TRPM6: variants seen among roughly 807,000 people sequenced by gnomAD.
TRPM6 encodes the protein channel kinase 2.
Under a neutral mutation model 247.6 loss-of-function variants are expected in TRPM6, and 111 were observed. The ratio of observed to expected loss-of-function variants is 0.45; its 90% CI spans 0.38 to 0.52. TRPM6 has a LOEUF of 0.52. TRPM6 is among the 20% of genes least tolerant of loss of function. TRPM6 has a pLI of 0.00. For synonymous variants in TRPM6, 892 were observed against 853.8 expected (o/e 1.04, Z -0.78); for missense variants, 2,126 against 2,421.5 (o/e 0.88, Z 2.56).
intron 20 of TRPM6, among the ~76,000 whole-genome samples, chr9:74,787,202 G>T (rs1306284212): frequency 6.6e-6 from 1 of 152,080 alleles, no homozygotes; most frequent in African/African-American, 2.4e-5. Context: ...GGGTGTGGTG[G>T]CAGGCACCTG....
At chr9:74,749,219 G>A (rs768772508) in intron 30 of TRPM6, among the ~76,000 whole-genome samples, 6 of 152,094 alleles carry the variant, frequency 3.9e-5, no homozygotes, top group Non-Finnish European at 5.9e-5. Flanking sequence ...AATGTATCCT[G>A]TCGTTAATTG....
intron 27 of TRPM6, among the ~76,000 whole-genome samples, chr9:74,759,227 C>A (rs1209219259): frequency 5.9e-5 from 9 of 152,074 alleles, no homozygotes; most frequent in Admixed American, 5.9e-4. Context: ...TTCATAATCC[C>A]AGTCCACTTC....
At chr9:74,817,035 C>A in intron 9 of TRPM6, 71 bp from the exon 10 acceptor site, 1 of 1,289,218 alleles carries the variant, frequency 7.8e-7, no homozygotes, top group Non-Finnish European at 1.1e-6. Flanking sequence ...AGAGTACCCA[C>A]AGAATTCAGA....
intron 1 of TRPM6, among the ~76,000 whole-genome samples, chr9:74,865,006 G>C (rs780281535): frequency 6.6e-6 from 1 of 151,790 alleles, no homozygotes; most frequent in African/African-American, 2.4e-5. Flanking sequence ...CCAGGAGGTG[G>C]AAGTTGCAGT....
At chr9:74,814,190 T>C (rs1190158980) in intron 11 of TRPM6, among the ~76,000 whole-genome samples, 1 of 152,128 alleles carries the variant, frequency 6.6e-6, no homozygotes, top group East Asian at 1.9e-4. Flanking sequence ...ATTAATAGAC[T>C]GCCAGGCATA....
intron 36 of TRPM6, among the ~76,000 whole-genome samples, chr9:74,737,636 G>A (rs1472470433): frequency 6.6e-6 from 1 of 152,052 alleles, no homozygotes; most frequent in African/African-American, 2.4e-5. Flanking sequence ...TGCAACTCTG[G>A]GCAAGTTATT....
intron 20 of TRPM6, among the ~76,000 whole-genome samples, chr9:74,787,415 A>G (rs753459506): frequency 6.6e-6 from 1 of 152,218 alleles, no homozygotes; most frequent in Non-Finnish European, 1.5e-5. Flanking sequence ...ACACCGTGTC[A>G]GACAAACAGA....
At chr9:74,872,130 G>A (rs1004995581) in intron 1 of TRPM6, among the ~76,000 whole-genome samples, 6 of 151,956 alleles carry the variant, frequency 3.9e-5, no homozygotes, top group African/African-American at 1.5e-4. Context: ...TAGGATTACA[G>A]GTGTCAGCCA....
intron 1 of TRPM6, among the ~76,000 whole-genome samples, chr9:74,884,402 T>C (rs1039510455): frequency 2.4e-4 from 37 of 151,984 alleles, no homozygotes; most frequent in Non-Finnish European, 4.6e-4. Flanking sequence ...GGCAGGAGAA[T>C]GGTGTGAACC....
At chr9:74,734,290 A>G (rs1056113097) in intron 36 of TRPM6, among the ~76,000 whole-genome samples, 1 of 152,214 alleles carries the variant, frequency 6.6e-6, no homozygotes, top group South Asian at 2.1e-4. Context: ...TTAAAATTAT[A>G]TAAAATTTGT....
rs761663871 is a variant in TRPM6 at position 74,739,957 on chromosome 9, A to G, written c.5253T>C (p.Leu1751=). 8 of 1,614,084 alleles carry G rather than the reference A, an allele frequency of 5.0e-6. No individual in the cohort carries two copies. In the East Asian group the frequency reaches 8.9e-5, roughly 18 times the overall value. The change falls in exon 34 of 39, where the codon CTT becomes CTC. Residue 1751 remains leucine (L), a synonymous_variant. Coordinates refer to ENST00000360774, the MANE Select transcript of TRPM6 (RefSeq NM_017662.5). ...YRLEESSPLN[L]DKSMSSWSQR... is the part of the protein sequence containing the mutation. ...GAGACCAAGAGGACATGCTTTTATCAAGGTTTAAAGGGGAACTCTCCTCCA... is the reference window on the plus strand; with the variant it reads ...GAGACCAAGAGGACATGCTTTTATCGAGGTTTAAAGGGGAACTCTCCTCCA...
chr9:74,834,301 C>T (rs1829644401), intron 5 of TRPM6, among the ~76,000 whole-genome samples, 179 bp from the exon 6 acceptor site: 1 of 152,064 alleles, frequency 6.6e-6, no homozygotes, highest in Non-Finnish European at 1.5e-5. Flanking sequence ...CTAGACACAT[C>T]TTCCTCTTAT....
chr9:74,765,148 T>A (rs1439542478), intron 25 of TRPM6, among the ~76,000 whole-genome samples: 1 of 152,232 alleles, frequency 6.6e-6, no homozygotes, highest in Non-Finnish European at 1.5e-5. Context: ...TAGAATATTA[T>A]GCATCCATTA....
chr9:74,842,384 A>C, intron 3 of TRPM6, 41 bp from the exon 4 acceptor site: 1 of 1,602,702 alleles, frequency 6.2e-7, no homozygotes, highest in Non-Finnish European at 8.5e-7. Context: ...TTCAAAATAG[A>C]AAATAGATGC....
At chr9:74,847,418 A>C (rs7037865) in intron 3 of TRPM6, among the ~76,000 whole-genome samples, 1 of 151,726 alleles carries the variant, frequency 6.6e-6, no homozygotes, top group African/African-American at 2.4e-5. Context: ...CTGGGCTCCA[A>C]CAATCCTTCT....
At chr9:74,841,174 A>C (rs956323909) in intron 4 of TRPM6, among the ~76,000 whole-genome samples, 17 of 152,244 alleles carry the variant, frequency 1.1e-4, no homozygotes, top group Non-Finnish European at 2.4e-4. Flanking sequence ...CGTCAATGTA[A>C]GCAAAAGAAA....
At chr9:74,748,461 G>A (rs1055093797) in intron 30 of TRPM6, among the ~76,000 whole-genome samples, 12 of 152,198 alleles carry the variant, frequency 7.9e-5, no homozygotes, top group African/African-American at 2.4e-4. Context: ...GGAGGTGACA[G>A]CTCCATGTGT....
chr9:74,785,062 G>A (rs1031209201), intron 21 of TRPM6, among the ~76,000 whole-genome samples: 6 of 151,996 alleles, frequency 3.9e-5, no homozygotes, highest in South Asian at 2.1e-4. Flanking sequence ...AGCCGTGATC[G>A]CACCACTGCA....
At chr9:74,801,094 T>C (rs1373053980) in intron 16 of TRPM6, among the ~76,000 whole-genome samples, 1 of 151,904 alleles carries the variant, frequency 6.6e-6, no homozygotes, top group Non-Finnish European at 1.5e-5. Flanking sequence ...GTAGACATTG[T>C]CATGCTCTGG....
Sources: gnomAD v4.1 joint callset for allele counts (sites outside exome capture counted in the v4.1 genomes callset) on GRCh38, gnomAD v4.1.1 for gene constraint, MANE v1.5 for transcripts, NCBI Gene and HGNC (gene_info 2026-07-23, HGNC 2026-07-21) for gene names.